Variants in CCDC187 observed in about 807,000 individuals in gnomAD.
CCDC187 encodes the protein coiled-coil domain containing 187, also known as coiled-coil domain-containing protein 187.
In CCDC187, 32 loss-of-function variants were observed where a neutral mutation model predicts 38.0. The ratio of observed to expected loss-of-function variants is 0.84; its 90% CI spans 0.64 to 1.13. CCDC187 has a LOEUF of 1.13. CCDC187 is among the 50% of genes most tolerant of loss of function. The probability of loss-of-function intolerance (pLI) is 0.00; values close to 1 mark genes in which losing one functional copy is unlikely to be tolerated. For synonymous variants in CCDC187, 333 were observed against 347.9 expected (o/e 0.96, Z 0.48); for missense variants, 707 against 786.8 (o/e 0.90, Z 1.21).
chr9:136,277,008 A>G (rs1830944897), intron 10 of CCDC187, among the ~76,000 whole-genome samples: 1 of 151,952 alleles, frequency 6.6e-6, no homozygotes, highest in Admixed American at 6.5e-5. Context: ...CGTCCCTGCT[A>G]AGGCTGGCTC....
chr9:136,278,043 A>AT (rs1830966994), intron 10 of CCDC187, among the ~76,000 whole-genome samples: 1 of 152,162 alleles, frequency 6.6e-6, no homozygotes, highest in East Asian at 1.9e-4. Flanking sequence ...TGCACTGAGC[A>AT]TTCGGGGTCA....
At chr9:136,288,653 C>G in intron 7 of CCDC187, among the ~76,000 whole-genome samples, 1 of 152,324 alleles carries the variant, frequency 6.6e-6, no homozygotes, top group East Asian at 1.9e-4. Flanking sequence ...GTAGTGAGAC[C>G]CAGGCGCAAC....
At chr9:136,272,056 A>G (rs1296737617) in intron 14 of CCDC187, among the ~76,000 whole-genome samples, 3 of 152,212 alleles carry the variant, frequency 2.0e-5, no homozygotes, top group African/African-American at 7.2e-5. Context: ...AACTGCACCT[A>G]GAATTCTATG....
intron 21 of CCDC187, 68 bp from the exon 22 acceptor site, chr9:136,259,069 G>C: frequency 2.0e-6 from 2 of 978,652 alleles, no homozygotes; most frequent in Non-Finnish European, 2.4e-6. Context: ...GCCAGGGATA[G>C]ACCAGGATGG....
chr9:136,294,329 C>G (rs1447824333), intron 4 of CCDC187, among the ~76,000 whole-genome samples: 1 of 152,212 alleles, frequency 6.6e-6, no homozygotes, highest in Non-Finnish European at 1.5e-5. Flanking sequence ...CTCACGTGCT[C>G]TCACACACAC....
intron 9 of CCDC187, among the ~76,000 whole-genome samples, chr9:136,283,185 G>T (rs1299965261): frequency 6.6e-6 from 1 of 152,220 alleles, no homozygotes; most frequent in African/African-American, 2.4e-5. Flanking sequence ...GGAGGCGGAG[G>T]TTGCAGCAAG....
rs1231355215 is a variant in CCDC187, at chr9:136,303,182, G to C, written c.255C>G (p.Leu85=). 11 of 398,626 alleles carry C rather than the reference G, an allele frequency of 2.8e-5. No homozygotes were observed. The highest frequency in any genetic ancestry group is 2.3e-4 in the African/African-American group (11 of 48,762). The allele number at this position is 398,626 out of a possible 1,614,324, so 24.7% of individuals were successfully genotyped here. A position where few individuals can be genotyped will look rare whatever the true frequency, so the allele number is the denominator to read the frequency against. Residue 85 remains leucine, a synonymous_variant, in exon 2 of 26, where the codon CTC becomes CTG. Transcript: ENST00000638797. ...CCTTCCCCCAGGGTCCTGGTTCCTT[G>C]AGGTCGTCAGACCCGACCACGTGGG... ...AAPHVVGSDD[L]KEPGPWGKAC...
intron 3 of CCDC187, 137 bp downstream of exon 3, chr9:136,300,083 C>G (rs1010626493): frequency 8.3e-5 from 33 of 396,162 alleles, no homozygotes; most frequent in Middle Eastern, 6.3e-4. Context: ...CCAAATCCCC[C>G]CTTGGCCTCT....
Position 136,253,515 on chromosome 9 carries a change from C to A in CCDC187, c.*79G>T, listed in dbSNP as rs1251598686. The A allele has an allele frequency of 9.7e-6, 8 of 827,210 alleles. No homozygotes were observed. The highest frequency in any genetic ancestry group is 1.2e-5 in the Non-Finnish European group (8 of 685,554). 51.2% of individuals were successfully genotyped at this position (827,210 alleles called of 1,614,324 possible). On this transcript the variant is annotated 3_prime_UTR_variant, in exon 26 of 26. Coordinates refer to ENST00000638797, the MANE Select transcript of CCDC187 (RefSeq NM_001378188.1). ...GGCCACTGGCTGCCTCCGGCCTCAT[C>A]CCCTGCTGCAGAACTGCATCTACCC...
chr9:136,289,746 C>G (rs1015888823), intron 7 of CCDC187, among the ~76,000 whole-genome samples: 1 of 152,114 alleles, frequency 6.6e-6, no homozygotes, highest in Admixed American at 6.5e-5. Context: ...AAGTTTGATG[C>G]GACTCTTGCC....
chr9:136,267,909 C>A, intron 15 of CCDC187, 140 bp downstream of exon 15: 5 of 985,504 alleles, frequency 5.1e-6, no homozygotes, highest in Non-Finnish European at 6.0e-6. Context: ...GAGCGGGTGA[C>A]GCGATCGCCG....
chr9:136,267,469 G>T lies in CCDC187; in HGVS notation c.3562C>A (p.His1188Asn), dbSNP rs183513877. Residue 1188 changes from histidine to asparagine, a missense_variant, in exon 16 of 26, where the codon CAC becomes AAC. His to Asn is a moderately conservative substitution (Grantham distance 68). Coordinates refer to ENST00000638797, the MANE Select transcript of CCDC187 (RefSeq NM_001378188.1). ...SLREEELRAQHQAALLRLREM... is the reference protein window; with the variant it reads ...SLREEELRAQNQAALLRLREM... ...CGCAGGCGCAGCAGCGCGGCCTGGT[G>T]CTGTGCTCGCAGCTCCTCCTCCCGC... The T allele has an allele frequency of 8.0e-4, 791 of 985,738 alleles. No individual in the cohort carries two copies. Among genetic ancestry groups the T allele is most frequent in the Non-Finnish European group, 9.3e-4 (770 of 830,140 alleles). 61.1% of individuals were successfully genotyped at this position (985,738 alleles called of 1,614,324 possible). A position where few individuals can be genotyped will look rare whatever the true frequency, so the allele number is the denominator to read the frequency against.
At position 136,285,529 on chromosome 9, in the gene CCDC187, T is replaced by A; in HGVS notation, c.2911A>T (p.Ser971Cys). Residue 971 changes from serine (S) to cysteine (C), a missense_variant, in exon 9 of 26, where the codon AGC (serine) becomes TGC (cysteine). Physicochemically the swap from Ser to Cys is moderately radical, Grantham distance 112. Transcript: ENST00000638797. ...QRGVAPFQAL[S>C]PSAGSSYAGP... ...TGGTCTTACCTCCCCGCAGAGGGGC[T>A]GAGGGCCTGGAAGGGGGCCACGCCT... 2.7e-6 allele frequency: 1 copy of A among 366,992 alleles called. No individual in the cohort carries two copies. Among genetic ancestry groups the A allele is most frequent in the Non-Finnish European group, 4.8e-6 (1 of 208,548 alleles). 22.7% of individuals were successfully genotyped at this position (366,992 alleles called of 1,614,324 possible).
At chr9:136,259,625 T>C (rs1830657802) in intron 20 of CCDC187, among the ~76,000 whole-genome samples, 177 bp from the exon 21 acceptor site, 1 of 152,018 alleles carries the variant, frequency 6.6e-6, no homozygotes, top group Admixed American at 6.5e-5. Context: ...CCCTGCCATG[T>C]CCCCTGCCTG....
chr9:136,254,894 C>G lies in CCDC187; in HGVS notation c.4934G>C (p.Ser1645Thr). 1.0e-6 allele frequency: 1 copy of G among 985,518 alleles called. No homozygotes were observed. Among genetic ancestry groups the G allele is most frequent in the Non-Finnish European group, 1.2e-6 (1 of 829,980 alleles). 61.0% of individuals were successfully genotyped at this position (985,518 alleles called of 1,614,324 possible). A position where few individuals can be genotyped will look rare whatever the true frequency, so the allele number is the denominator to read the frequency against. ...TTCCAAGCTGGGAAGAGAGCTGGAG[C>G]TCCCAGAAAGCTGGATCAGGGTAGC... ...AAATLIQLSG[S>T]SSSLPSLEAE... Residue 1645 changes from serine to threonine, a missense_variant, in exon 26 of 26, where the codon AGC becomes ACC. Transcript: ENST00000638797.
intron 14 of CCDC187, among the ~76,000 whole-genome samples, chr9:136,269,240 C>T (rs530386936): frequency 1.3e-5 from 2 of 152,304 alleles, no homozygotes; most frequent in South Asian, 4.1e-4. Context: ...CCTTGACTGT[C>T]GGAAATGATT....
At chr9:136,298,237 C>A (rs982424912) in intron 3 of CCDC187, among the ~76,000 whole-genome samples, 1 of 152,298 alleles carries the variant, frequency 6.6e-6, no homozygotes, top group South Asian at 2.1e-4. Flanking sequence ...AATGACTGGA[C>A]GGGCCAGGCC....
At chr9:136,282,017 G>A (rs1831056788) in intron 9 of CCDC187, among the ~76,000 whole-genome samples, 1 of 152,208 alleles carries the variant, frequency 6.6e-6, no homozygotes, top group Non-Finnish European at 1.5e-5. Flanking sequence ...TCGGACCCCA[G>A]GGGGAACAGG....
intron 19 of CCDC187, among the ~76,000 whole-genome samples, chr9:136,261,234 G>T (rs1830675535): frequency 6.6e-6 from 1 of 152,166 alleles, no homozygotes; most frequent in Admixed American, 6.5e-5. Context: ...ACGGCCCAAT[G>T]AAGGAGGGAA....
Sources: allele counts gnomAD v4.1 joint callset (sites outside exome capture counted in the v4.1 genomes callset), GRCh38; gene constraint gnomAD v4.1.1; transcripts MANE v1.5; gene names NCBI Gene and HGNC (gene_info 2026-07-23, HGNC 2026-07-21).